Variants in KCNIP4 observed in about 807,000 individuals in gnomAD.
The protein encoded by KCNIP4 is potassium voltage-gated channel interacting protein 4.
KCNIP4 carries 12 observed loss-of-function variants against 34.0 expected under a neutral mutation model. That is an observed-to-expected ratio of 0.35 (90% CI 0.23 to 0.57). The LOEUF (loss-of-function observed/expected upper bound fraction) is 0.57, where lower values mean the gene tolerates loss of function less well. Ranked by LOEUF, KCNIP4 falls within the 20% of genes least tolerant of loss-of-function variation. The pLI is 0.83. For missense variants in KCNIP4, 238 were observed against 311.7 expected, an observed-to-expected ratio of 0.76 and a Z score of 1.78; for synonymous variants, 124 against 102.2, an observed-to-expected ratio of 1.21 and a Z score of -1.29.
At chr4:21,202,679 G>A (rs541430724) in intron 1 of KCNIP4, among the ~76,000 whole-genome samples, 30 of 152,254 alleles carry the variant, frequency 2.0e-4, no homozygotes, top group African/African-American at 6.5e-4. Flanking sequence ...GCTCAGATCC[G>A]TCTCAGTCTA....
intron 1 of KCNIP4, among the ~76,000 whole-genome samples, chr4:21,894,272 C>T (rs142288458): frequency 6.6e-6 from 1 of 152,036 alleles, no homozygotes; most frequent in African/African-American, 2.4e-5. Flanking sequence ...GAGGTAGAGG[C>T]TGAAGTGAGC....
intron 1 of KCNIP4, among the ~76,000 whole-genome samples, chr4:21,033,832 T>C (rs1741216944): frequency 6.6e-6 from 1 of 152,196 alleles, no homozygotes; most frequent in African/African-American, 2.4e-5. Flanking sequence ...ACAAACTTTA[T>C]AGTAATAAGC....
chr4:21,849,998 T>C (rs1724274000), intron 1 of KCNIP4: 2 of 152,046 alleles, frequency 1.3e-5, no homozygotes, highest in African/African-American at 2.4e-5. Context: ...CTGAATTCCA[T>C]CCAGTATTCC....
At chr4:21,429,321 T>TC (rs1478114871) in intron 1 of KCNIP4, among the ~76,000 whole-genome samples, 1 of 147,192 alleles carries the variant, frequency 6.8e-6, no homozygotes, top group Non-Finnish European at 1.5e-5. Context: ...ACTTGATAAC[T>TC]CATTTTTTTT....
rs373569625 is a variant in KCNIP4, at chr4:21,408,112, T to G, written c.62-525403A>C. ...GGTAGACATTGAAGACTTCCAATATTTTTGGTCCATTTCAAAATCTTGTGC... is the reference window on the plus strand; with the variant it reads ...GGTAGACATTGAAGACTTCCAATATGTTTGGTCCATTTCAAAATCTTGTGC... On this transcript the variant is annotated intron_variant, in intron 1 of 8. Transcript: ENST00000382152. Among the ~76,000 whole-genome samples the G allele has an allele frequency of 1.4e-4, 22 of 152,286 alleles. 1 individual carries two copies. In the South Asian group the frequency reaches 2.5e-3, roughly 17 times the overall value.
At chr4:21,126,825 A>T (rs952083307) in intron 1 of KCNIP4, among the ~76,000 whole-genome samples, 2 of 152,154 alleles carry the variant, frequency 1.3e-5, no homozygotes, top group African/African-American at 4.8e-5. Context: ...CTACAGAGAA[A>T]TGCTGAACAA....
chr4:21,512,506 T>C (rs956210830), intron 1 of KCNIP4, among the ~76,000 whole-genome samples: 1 of 152,080 alleles, frequency 6.6e-6, no homozygotes, highest in African/African-American at 2.4e-5. Flanking sequence ...AAAAAAAATC[T>C]AAGAAACTTA....
chr4:21,887,815 A>G (rs1050133404), intron 1 of KCNIP4, among the ~76,000 whole-genome samples: 2 of 152,130 alleles, frequency 1.3e-5, no homozygotes, highest in African/African-American at 4.8e-5. Flanking sequence ...TAAAGAAAAT[A>G]TTGCTGATGA....
At chr4:21,917,128 T>C (rs552236130) in intron 1 of KCNIP4, among the ~76,000 whole-genome samples, 2 of 140,116 alleles carry the variant, frequency 1.4e-5, no homozygotes, top group Non-Finnish European at 3.1e-5. Flanking sequence ...ACAGTTTTGT[T>C]TTTTGTTTGT....
intron 1 of KCNIP4, among the ~76,000 whole-genome samples, chr4:21,414,873 C>G (rs545517316): frequency 6.6e-6 from 1 of 151,926 alleles, no homozygotes; most frequent in Non-Finnish European, 1.5e-5. Context: ...TATTTTGATA[C>G]GGGCATACAA....
intron 2 of KCNIP4, among the ~76,000 whole-genome samples, chr4:20,875,221 C>T (rs1723886372): frequency 1.3e-5 from 2 of 152,058 alleles, no homozygotes; most frequent in African/African-American, 4.8e-5. Flanking sequence ...TTTTGTAAAA[C>T]TGACCAGAAC....
chr4:20,822,241 A>G lies in KCNIP4; in HGVS notation c.288+28302T>C, dbSNP rs113239821. Among the ~76,000 whole-genome samples, 1,151 of 152,270 alleles carry G rather than the reference A, an allele frequency of 7.6e-3. 11 individuals carry two copies. Among genetic ancestry groups the G allele is most frequent in the African/African-American group, 0.026 (1,100 of 41,556 alleles). The stretch of plus-strand genomic sequence containing the variant: ...CAAGAAAAAAACAAATAATCCCATC[A>G]AAAAGCAGGCCAAGGACATGAATAG... On this transcript the variant is annotated intron_variant, in intron 3 of 8. Transcript: ENST00000382152.
chr4:21,798,426 T>TATATATATATATATATATATATATATA (rs55661046), intron 1 of KCNIP4, among the ~76,000 whole-genome samples: 3 of 143,244 alleles, frequency 2.1e-5, no homozygotes, highest in South Asian at 2.2e-4. Flanking sequence ...TATATATATA[T>TATATATATATATATATATATATATATA]TTGCTGGGTG....
chr4:21,512,408 C>T, intron 1 of KCNIP4, among the ~76,000 whole-genome samples: 1 of 152,064 alleles, frequency 6.6e-6, no homozygotes, highest in Non-Finnish European at 1.5e-5. Flanking sequence ...TTTTTATTTG[C>T]AGATGGCATT....
chr4:21,175,880 G>A (rs1390886452), intron 1 of KCNIP4, among the ~76,000 whole-genome samples: 1 of 152,190 alleles, frequency 6.6e-6, no homozygotes, highest in Non-Finnish European at 1.5e-5. Context: ...CCCCAAATAA[G>A]GGAGGACTAT....
chr4:21,223,239 C>A (rs991408493), intron 1 of KCNIP4, among the ~76,000 whole-genome samples: 1 of 152,078 alleles, frequency 6.6e-6, no homozygotes, highest in Non-Finnish European at 1.5e-5. Flanking sequence ...CTGGAAGGGG[C>A]CATGCTGCTG....
intron 1 of KCNIP4, among the ~76,000 whole-genome samples, chr4:21,386,624 A>G (rs1722058667): frequency 6.6e-6 from 1 of 152,208 alleles, no homozygotes; most frequent in Non-Finnish European, 1.5e-5. Flanking sequence ...AGGAACATTT[A>G]GTCCCAGCCT....
chr4:21,459,809 C>T (rs1336798393), intron 1 of KCNIP4, among the ~76,000 whole-genome samples: 1 of 151,894 alleles, frequency 6.6e-6, no homozygotes, highest in Non-Finnish European at 1.5e-5. Context: ...GTCAGGACTA[C>T]CTTAGTAGTT....
intron 1 of KCNIP4, among the ~76,000 whole-genome samples, chr4:21,429,854 A>C (rs1278550158): frequency 1.3e-5 from 2 of 152,144 alleles, no homozygotes; most frequent in Non-Finnish European, 2.9e-5. Flanking sequence ...AAAGTTCCTA[A>C]CTTTTCTTTC....
Sources: allele counts gnomAD v4.1 joint callset (sites outside exome capture counted in the v4.1 genomes callset), GRCh38; gene constraint gnomAD v4.1.1; transcripts MANE v1.5; gene names NCBI Gene and HGNC (gene_info 2026-07-23, HGNC 2026-07-21).